The following GSTM4 variants were observed in gnomAD, a reference collection of about 807,000 sequenced individuals.
GSTM4 encodes the protein GST class-mu 4.
GSTM4 carries 27 observed loss-of-function variants against 30.1 expected under a neutral mutation model. The ratio of observed to expected loss-of-function variants is 0.90; its 90% CI spans 0.66 to 1.24. The LOEUF (loss-of-function observed/expected upper bound fraction) is 1.24, where lower values mean the gene tolerates loss of function less well. Among genes scored for constraint, GSTM4 ranks in the 50% most tolerant of loss-of-function variants. The pLI is 0.00. For missense variants in GSTM4, 238 were observed against 272.1 expected, an observed-to-expected ratio of 0.87 and a Z score of 0.88; for synonymous variants, 94 against 96.2, an observed-to-expected ratio of 0.98 and a Z score of 0.13.
chr1:109,656,310 C>T lies in GSTM4; in HGVS notation c.-80C>T. 2.1e-6 allele frequency: 3 copies of T among 1,413,828 alleles called. No homozygotes were observed. The highest frequency in any genetic ancestry group is 2.0e-6 in the Non-Finnish European group (2 of 997,778). The allele number at this position is 1,413,828 out of a possible 1,614,324, so 87.6% of individuals were successfully genotyped here. On this transcript the variant is annotated 5_prime_UTR_variant, in exon 1 of 8. Coordinates refer to ENST00000369836, the MANE Select transcript of GSTM4 (RefSeq NM_000850.5). ...GGCGGGTCTGGCGCTAGGTCCAGCC[C>T]CTGCGTGCCGGGAACCCCAGAGGAG...
At chr1:109,662,475 T>C (rs1015284170), downstream of GSTM4, among the ~76,000 whole-genome samples, 3 of 152,240 alleles carry the variant, frequency 2.0e-5, no homozygotes, top group Non-Finnish European at 4.4e-5. Context: ...AAATAGTTGT[T>C]GATTTTGTGG....
intron 1 of GSTM4, 124 bp downstream of exon 1, chr1:109,656,549 C>CGTGT (rs1399136883): frequency 1.6e-6 from 1 of 642,896 alleles, no homozygotes; most frequent in Non-Finnish European, 2.4e-6. Context: ...CCTGTGCATG[C>CGTGT]CTGTGTGTGT....
downstream of GSTM4, among the ~76,000 whole-genome samples, chr1:109,663,388 C>T (rs1005333817): frequency 1.3e-5 from 2 of 151,980 alleles, no homozygotes; most frequent in African/African-American, 4.8e-5. Context: ...GCATGCTTGG[C>T]CAGGTGCGGT....
At chr1:109,664,364 TTTTTTTTTTTTTTG>T (rs1647231929), downstream of GSTM4, among the ~76,000 whole-genome samples, 5 of 102,296 alleles carry the variant, frequency 4.9e-5, no homozygotes, top group African/African-American at 7.3e-5. Context: ...TTTTTTTTTT[TTTTTTTTTTTTTTG>T]ATGTGGAGTC....
At chr1:109,665,186 T>C (rs1647277180), downstream of GSTM4, 2 of 694,378 alleles carry the variant, frequency 2.9e-6, no homozygotes, top group African/African-American at 1.8e-5. Context: ...TCCACCAAAC[T>C]GTCAGGGCCC....
Position 109,657,197 on chromosome 1 carries a change from T to A in GSTM4, c.113-18T>A. 6.2e-7 allele frequency: 1 copy of A among 1,611,882 alleles called. No individual in the cohort carries two copies. Among genetic ancestry groups the A allele is most frequent in the African/African-American group, 1.3e-5 (1 of 74,984 alleles). On this transcript the variant is annotated intron_variant, in intron 2 of 7. Transcript: ENST00000369836. ...GGCTCTGGGGAGGTTTGTTTTCACT[T>A]CTTCTTCCCCACGGCAGCTCCTGAC...
chr1:109,661,215 A>G lies in GSTM4; in HGVS notation c.618A>G (p.Lys206=), dbSNP rs775400790. The change falls in exon 8 of 8, where the codon AAA becomes AAG. Residue 206 remains lysine (K), a synonymous_variant. Transcript: ENST00000369836. ...AYMKSSRFLP[K]PLYTRVAVWG... is the part of the protein sequence containing the mutation. ...TGAAGTCCAGCCGCTTCCTCCCAAA[A>G]CCTCTGTACACAAGGGTGGCTGTCT... 5.0e-5 allele frequency: 81 copies of G among 1,610,482 alleles called. 1 individual carries two copies. Among genetic ancestry groups the G allele is most frequent in the Non-Finnish European group, 6.4e-5 (75 of 1,179,430 alleles).
rs1484921830 is a variant in GSTM4 at position 109,659,098 on chromosome 1, C to T, written c.555C>T (p.Ile185=). ...LDAFPNLKDF[I]SRFEGLEKIS... ...CCTTTCCAAATCTGAAGGACTTCATCTCCCGCTTTGAGGTGATGCCCCCAT... is the reference window on the plus strand; with the variant it reads ...CCTTTCCAAATCTGAAGGACTTCATTTCCCGCTTTGAGGTGATGCCCCCAT... Residue 185 remains isoleucine (I), a synonymous_variant, in exon 7 of 8, where the codon ATC becomes ATT. Transcript: ENST00000369836. 1 of 1,614,212 alleles carries T rather than the reference C, an allele frequency of 6.2e-7. No homozygotes were observed. Among genetic ancestry groups the T allele is most frequent in the Non-Finnish European group, 8.5e-7 (1 of 1,180,040 alleles).
At chr1:109,664,948 C>T, downstream of GSTM4, 2 of 1,595,096 alleles carry the variant, frequency 1.3e-6, no homozygotes, top group Non-Finnish European at 1.7e-6. Context: ...AAAGAATGAT[C>T]TTGTGGCAGT....
downstream of GSTM4, chr1:109,661,790 T>A: frequency 1.2e-6 from 1 of 824,724 alleles, no homozygotes; most frequent in Non-Finnish European, 1.5e-6. Flanking sequence ...ACCCTGGCAG[T>A]AGCTGGGTTC....
chr1:109,661,966 C>A (rs533476955), downstream of GSTM4, among the ~76,000 whole-genome samples: 117 of 152,232 alleles, frequency 7.7e-4, 1 homozygote, highest in South Asian at 0.024. Context: ...ATAGCTGAGA[C>A]TATAGGTGTG....
downstream of GSTM4, among the ~76,000 whole-genome samples, chr1:109,662,633 T>C (rs575652157): frequency 3.5e-4 from 54 of 152,286 alleles, no homozygotes; most frequent in South Asian, 0.01. Flanking sequence ...ATATCCAAAT[T>C]GCCAACAAGC....
In GSTM4 at chr1:109,656,118, C is replaced by A; in HGVS notation, c.-272C>A. ...CCCCTCCTAGTGCTTCCGGACCTTG[C>A]TCCCTGAACACTCGGAGGTGGCGGT... On this transcript the variant is annotated 5_prime_UTR_variant, in exon 1 of 8. Transcript: ENST00000369836. 1 of 455,736 alleles carries A rather than the reference C, an allele frequency of 2.2e-6. No individual in the cohort carries two copies. The highest frequency in any genetic ancestry group is 4.1e-6 in the Non-Finnish European group (1 of 245,614). The allele number at this position is 455,736 out of a possible 1,614,324, so 28.2% of individuals were successfully genotyped here. A position where few individuals can be genotyped will look rare whatever the true frequency, so the allele number is the denominator to read the frequency against.
rs1433478722 is a variant in GSTM4 at position 109,661,155 on chromosome 1, C to T, written c.568-10C>T. Reference sequence around the variant, plus strand: ...ACCTTGAGTTCTGGCCTTATTTTCCCCCCTCTCAGGGCTTGGAGAAGATCT... The same window carrying T: ...ACCTTGAGTTCTGGCCTTATTTTCCTCCCTCTCAGGGCTTGGAGAAGATCT... On this transcript the variant is annotated splice_polypyrimidine_tract_variant and intron_variant, in intron 7 of 7. Transcript: ENST00000369836. The T allele has an allele frequency of 1.9e-6, 3 of 1,612,872 alleles. No individual in the cohort carries two copies. Among genetic ancestry groups the T allele is most frequent in the Admixed American group, 1.7e-5 (1 of 59,996 alleles).
At chr1:109,659,293 C>G in intron 7 of GSTM4, 183 bp downstream of exon 7, 1 of 1,574,898 alleles carries the variant, frequency 6.3e-7, no homozygotes. Flanking sequence ...AACATTCCTA[C>G]AGGGTGACAG....
rs1401976182 is a variant in GSTM4, at chr1:109,659,419, G to C, written c.567+309G>C. On this transcript the variant is annotated intron_variant, in intron 7 of 7. Coordinates refer to ENST00000369836, the MANE Select transcript of GSTM4 (RefSeq NM_000850.5). ...GCTCCCTGTGAGCATCTGGATCTATGGGTGGCAGTCAGGGCTCTCCCTTTT... is the reference window on the plus strand; with the variant it reads ...GCTCCCTGTGAGCATCTGGATCTATCGGTGGCAGTCAGGGCTCTCCCTTTT... The C allele has an allele frequency of 5.0e-6, 7 of 1,398,056 alleles. No individual in the cohort carries two copies. The Admixed American group carries it at 2.0e-4, about 39-fold the overall frequency. 86.6% of individuals were successfully genotyped at this position (1,398,056 alleles called of 1,614,324 possible).
chr1:109,661,710 G>A, downstream of GSTM4: 1 of 1,064,736 alleles, frequency 9.4e-7, no homozygotes, highest in Non-Finnish European at 1.1e-6. Context: ...ATTTGCTATA[G>A]TCTTGTCTTA....
Position 109,657,259 on chromosome 1 carries a change from C to T in GSTM4, c.157C>T (p.Leu53=), listed in dbSNP as rs759364449. The stretch of plus-strand genomic sequence containing the variant: ...CCAGTGGCTGAATGAAAAATTCAAG[C>T]TGGGCCTGGACTTTCCCAATGTAGG... ...RSQWLNEKFK[L]GLDFPNLPYL... is the part of the protein sequence containing the mutation. The change falls in exon 3 of 8, where the codon CTG becomes TTG. Residue 53 remains leucine (L), a synonymous_variant. Coordinates refer to ENST00000369836, the MANE Select transcript of GSTM4 (RefSeq NM_000850.5). 10 of 1,612,538 alleles carry T rather than the reference C, an allele frequency of 6.2e-6. No individual in the cohort carries two copies. Among genetic ancestry groups the T allele is most frequent in the Non-Finnish European group, 8.5e-6 (10 of 1,179,870 alleles).
At position 109,658,923 on chromosome 1, in the gene GSTM4, G is replaced by A. The variant is rs895719528; in HGVS notation, c.456+14G>A. On this transcript the variant is annotated intron_variant, in intron 6 of 7. Transcript: ENST00000369836. ...GTTGGAGACAAGGTAATGGGGGCAT[G>A]TGATGAGGACACTAGAGATTTGCCA... is the stretch of plus-strand genomic sequence containing the variant. 1 of 1,611,800 alleles carries A rather than the reference G, an allele frequency of 6.2e-7. No homozygotes were observed. The highest frequency in any genetic ancestry group is 8.5e-7 in the Non-Finnish European group (1 of 1,177,912).
Sources: gnomAD v4.1 joint callset for allele counts (sites outside exome capture counted in the v4.1 genomes callset) on GRCh38, gnomAD v4.1.1 for gene constraint, MANE v1.5 for transcripts, NCBI Gene and HGNC (gene_info 2026-07-23, HGNC 2026-07-21) for gene names.